The following CPNE8 variants were observed in gnomAD, a reference collection of about 807,000 sequenced individuals.
CPNE8 encodes copine 8.
In CPNE8, 45 loss-of-function variants were observed where a neutral mutation model predicts 81.5. The observed-to-expected ratio is 0.55, with a 90% CI of 0.44 to 0.71. The LOEUF (loss-of-function observed/expected upper bound fraction) is 0.71, where lower values mean the gene tolerates loss of function less well. Ranked by LOEUF, CPNE8 falls within the 30% of genes least tolerant of loss-of-function variation. The pLI is 0.00. For missense variants in CPNE8, 594 were observed against 672.1 expected, an observed-to-expected ratio of 0.88 and a Z score of 1.28; for synonymous variants, 252 against 226.3, an observed-to-expected ratio of 1.11 and a Z score of -1.02.
intron 1 of CPNE8, among the ~76,000 whole-genome samples, chr12:38,885,633 A>C (rs1401757615): frequency 6.6e-6 from 1 of 152,116 alleles, no homozygotes; most frequent in Non-Finnish European, 1.5e-5. Context: ...TATCTATTTC[A>C]ATCTTTTTTT....
intron 19 of CPNE8, among the ~76,000 whole-genome samples, chr12:38,659,653 C>T (rs955008152): frequency 3.9e-5 from 6 of 152,174 alleles, no homozygotes; most frequent in East Asian, 1.9e-4. Flanking sequence ...GGAAGTAAAG[C>T]GCTCCTCAGC....
At chr12:38,833,211 G>A (rs1268525983) in intron 5 of CPNE8, among the ~76,000 whole-genome samples, 1 of 151,750 alleles carries the variant, frequency 6.6e-6, no homozygotes, top group Non-Finnish European at 1.5e-5. Context: ...AAATTAGCTG[G>A]ATATGGTGCT....
intron 10 of CPNE8, among the ~76,000 whole-genome samples, chr12:38,751,190 G>C (rs185345643): frequency 1.2e-3 from 190 of 152,238 alleles, no homozygotes; most frequent in African/African-American, 4.4e-3. Context: ...TCTTTCTTTT[G>C]TAATTGCCCA....
At chr12:38,716,124 A>G (rs1030757275) in intron 13 of CPNE8, among the ~76,000 whole-genome samples, 1 of 152,140 alleles carries the variant, frequency 6.6e-6, no homozygotes, top group Non-Finnish European at 1.5e-5. Context: ...GAAAAACTAC[A>G]AAACACTGCT....
At chr12:38,833,501 G>A (rs1324913551) in intron 5 of CPNE8, among the ~76,000 whole-genome samples, 1 of 126,334 alleles carries the variant, frequency 7.9e-6, no homozygotes, top group Non-Finnish European at 1.6e-5. Flanking sequence ...TTTTTGAGAC[G>A]GGAGTCTTGC....
chr12:38,861,667 G>T (rs1943837495), intron 3 of CPNE8, among the ~76,000 whole-genome samples: 1 of 151,874 alleles, frequency 6.6e-6, no homozygotes, highest in African/African-American at 2.4e-5. Context: ...AATAAAAATG[G>T]AATAATATAT....
intron 18 of CPNE8, among the ~76,000 whole-genome samples, chr12:38,673,660 G>C (rs1334654372): frequency 6.6e-6 from 1 of 152,108 alleles, no homozygotes; most frequent in Non-Finnish European, 1.5e-5. Context: ...TGTTACAGGA[G>C]CCTAATTCCC....
At chr12:38,678,417 A>AT (rs1179176538) in intron 16 of CPNE8, among the ~76,000 whole-genome samples, 2 of 151,816 alleles carry the variant, frequency 1.3e-5, no homozygotes, top group Admixed American at 6.6e-5. Flanking sequence ...AATTTTTACG[A>AT]TTTTTTGCAA....
intron 1 of CPNE8, among the ~76,000 whole-genome samples, chr12:38,877,719 G>A (rs896059561): frequency 1.3e-5 from 2 of 152,002 alleles, no homozygotes; most frequent in African/African-American, 2.4e-5. Flanking sequence ...GAGCTTAAAG[G>A]GGGATAACTG....
intron 15 of CPNE8, among the ~76,000 whole-genome samples, chr12:38,687,483 G>A (rs1939560526): frequency 6.9e-6 from 1 of 145,824 alleles, no homozygotes; most frequent in African/African-American, 2.6e-5. Context: ...CTGGATTCAA[G>A]TGCTTTGCCT....
intron 10 of CPNE8, among the ~76,000 whole-genome samples, chr12:38,743,216 C>T (rs556899279): frequency 6.6e-6 from 1 of 152,050 alleles, no homozygotes; most frequent in South Asian, 2.1e-4. Context: ...TTTCCTCTTC[C>T]TGAATTTCAA....
At chr12:38,763,475 A>G (rs952819284) in intron 8 of CPNE8, among the ~76,000 whole-genome samples, 7 of 152,232 alleles carry the variant, frequency 4.6e-5, no homozygotes, top group African/African-American at 1.4e-4. Flanking sequence ...ACATCACGTC[A>G]TGAATCTATA....
At chr12:38,725,353 C>T (rs185663958) in intron 11 of CPNE8, among the ~76,000 whole-genome samples, 110 of 152,264 alleles carry the variant, frequency 7.2e-4, no homozygotes, top group Admixed American at 3.0e-3. Flanking sequence ...TTAGTAATTT[C>T]CACCAGTTTC....
rs188832473 is a variant in CPNE8 at position 38,778,006 on chromosome 12, T to A, written c.408-1705A>T. Reference sequence around the variant, plus strand: ...TGAGAATCTAATGCCTGATGATCTGTCATGGTCTCCCATCACCCCCACATG... The same window carrying A: ...TGAGAATCTAATGCCTGATGATCTGACATGGTCTCCCATCACCCCCACATG... On this transcript the variant is annotated intron_variant, in intron 6 of 19. Coordinates refer to ENST00000331366, the MANE Select transcript of CPNE8 (RefSeq NM_153634.3). 6.6e-5 allele frequency among the ~76,000 whole-genome samples: 10 copies of A among 152,308 alleles called. No homozygotes were observed. In the East Asian group the frequency reaches 1.7e-3, roughly 26 times the overall value.
intron 6 of CPNE8, among the ~76,000 whole-genome samples, chr12:38,798,745 C>T (rs1300770188): frequency 6.6e-6 from 1 of 152,122 alleles, no homozygotes; most frequent in African/African-American, 2.4e-5. Context: ...TTGAAAGACA[C>T]AGACTGGCAA....
At chr12:38,807,353 A>G (rs1942833259) in intron 6 of CPNE8, among the ~76,000 whole-genome samples, 1 of 149,236 alleles carries the variant, frequency 6.7e-6, no homozygotes, top group Non-Finnish European at 1.5e-5. Flanking sequence ...TTCAAACTAT[A>G]CTACAAGGCT....
intron 5 of CPNE8, among the ~76,000 whole-genome samples, chr12:38,834,553 A>G (rs1489733098): frequency 6.6e-6 from 1 of 152,200 alleles, no homozygotes; most frequent in Non-Finnish European, 1.5e-5. Flanking sequence ...TACCACTTCA[A>G]TGGTTTTTAA....
At chr12:38,838,995 A>T (rs1036113608) in intron 5 of CPNE8, among the ~76,000 whole-genome samples, 2 of 152,106 alleles carry the variant, frequency 1.3e-5, no homozygotes, top group African/African-American at 2.4e-5. Flanking sequence ...AGCGTACAAC[A>T]GTGGAAAAGT....
chr12:38,708,767 G>A (rs780701797), intron 13 of CPNE8, among the ~76,000 whole-genome samples: 6 of 152,192 alleles, frequency 3.9e-5, no homozygotes, highest in African/African-American at 9.6e-5. Context: ...AAGTATATAT[G>A]TGAGTATCAA....
Sources: allele counts gnomAD v4.1 joint callset (sites outside exome capture counted in the v4.1 genomes callset), GRCh38; gene constraint gnomAD v4.1.1; transcripts MANE v1.5; gene names NCBI Gene and HGNC (gene_info 2026-07-23, HGNC 2026-07-21).